The following QTMAN variants were observed in gnomAD, a reference collection of about 807,000 sequenced individuals.
The protein encoded by QTMAN is tRNA-queuosine alpha-mannosyltransferase.
At chr2:144,279,706 C>A in the QTMAN span, among the ~76,000 whole-genome samples, 1 of 152,158 alleles carries the variant, frequency 6.6e-6, no homozygotes, top group Non-Finnish European at 1.5e-5. Flanking sequence ...CCAAGTTCGG[C>A]CACCAAAAAG....
chr2:144,144,571 T>G, the QTMAN span, among the ~76,000 whole-genome samples: 2 of 151,988 alleles, frequency 1.3e-5, no homozygotes, highest in Non-Finnish European at 2.9e-5. Flanking sequence ...TTAATTTTAT[T>G]ATGAAATTTT....
the QTMAN span, among the ~76,000 whole-genome samples, chr2:144,204,949 C>T: frequency 7.6e-6 from 1 of 131,616 alleles, no homozygotes; most frequent in Non-Finnish European, 1.5e-5. Flanking sequence ...ACAATGAGAA[C>T]ACATGGACAC....
chr2:143,957,042 A>C, the QTMAN span, among the ~76,000 whole-genome samples: 1 of 152,212 alleles, frequency 6.6e-6, no homozygotes. Context: ...CTTAACAATC[A>C]CCAAAAAGTA....
the QTMAN span, among the ~76,000 whole-genome samples, chr2:144,012,459 T>C: frequency 6.6e-6 from 1 of 152,190 alleles, no homozygotes; most frequent in Non-Finnish European, 1.5e-5. Context: ...ATTTCTGCTA[T>C]AGTCGAGAGG....
chr2:144,050,737 T>A, the QTMAN span, among the ~76,000 whole-genome samples: 9 of 152,120 alleles, frequency 5.9e-5, no homozygotes, highest in Admixed American at 6.5e-5. Flanking sequence ...CTTTTGTCAG[T>A]AGTCAGCTGT....
the QTMAN span, among the ~76,000 whole-genome samples, chr2:143,984,299 C>T: frequency 6.6e-6 from 1 of 152,142 alleles, no homozygotes; most frequent in Non-Finnish European, 1.5e-5. Context: ...CTAAATCACA[C>T]AAGAGGTGAA....
chr2:144,091,341 G>A, the QTMAN span, among the ~76,000 whole-genome samples: 2 of 152,214 alleles, frequency 1.3e-5, no homozygotes, highest in South Asian at 4.1e-4. Flanking sequence ...GGGAGAAAAT[G>A]TGTATGGCCT....
chr2:144,070,194 A>G, the QTMAN span, among the ~76,000 whole-genome samples: 3 of 152,100 alleles, frequency 2.0e-5, no homozygotes, highest in East Asian at 5.8e-4. Context: ...TGCTACATAT[A>G]TTTTTCCTTT....
At chr2:144,118,035 A>T in the QTMAN span, among the ~76,000 whole-genome samples, 7 of 152,058 alleles carry the variant, frequency 4.6e-5, no homozygotes, top group East Asian at 1.4e-3. Context: ...TTTAGTAGAG[A>T]GGGGGTTTCA....
chr2:144,268,651 T>C, the QTMAN span, among the ~76,000 whole-genome samples: 1 of 152,198 alleles, frequency 6.6e-6, no homozygotes, highest in African/African-American at 2.4e-5. Flanking sequence ...GTATTTGTTA[T>C]AACAGCCTAA....
the QTMAN span, among the ~76,000 whole-genome samples, chr2:144,293,486 A>T: frequency 1.3e-5 from 2 of 152,358 alleles, no homozygotes; most frequent in South Asian, 4.1e-4. Flanking sequence ...AATCTCAGTA[A>T]CAAGATCACA....
chr2:144,268,663 C>T, the QTMAN span, among the ~76,000 whole-genome samples: 1 of 152,166 alleles, frequency 6.6e-6, no homozygotes, highest in African/African-American at 2.4e-5. Context: ...ACAGCCTAAA[C>T]TGACCAAAAA....
At chr2:144,087,901 G>A in the QTMAN span, among the ~76,000 whole-genome samples, 15 of 151,896 alleles carry the variant, frequency 9.9e-5, no homozygotes, top group Non-Finnish European at 1.8e-4. Context: ...ACAAGACAAG[G>A]ACACCCAATT....
At chr2:144,139,851 C>T in the QTMAN span, among the ~76,000 whole-genome samples, 2 of 151,944 alleles carry the variant, frequency 1.3e-5, no homozygotes, top group Admixed American at 6.6e-5. Context: ...TATTATATAG[C>T]GCAATGACTA....
chr2:144,064,050 A>T, the QTMAN span, among the ~76,000 whole-genome samples: 4 of 152,186 alleles, frequency 2.6e-5, no homozygotes, highest in Non-Finnish European at 5.9e-5. Flanking sequence ...TCCCTTTTTC[A>T]GTCTTCGAGC....
At chr2:144,298,350 T>C in the QTMAN span, among the ~76,000 whole-genome samples, 1 of 152,128 alleles carries the variant, frequency 6.6e-6, no homozygotes, top group African/African-American at 2.4e-5. Flanking sequence ...ATAAACAAGC[T>C]GAAGGGGTAA....
the QTMAN span, among the ~76,000 whole-genome samples, chr2:144,237,673 A>G: frequency 1.3e-5 from 2 of 152,276 alleles, no homozygotes; most frequent in Admixed American, 1.3e-4. Flanking sequence ...AGGGGAGAAG[A>G]GGGTACAGGT....
At chr2:144,260,181 A>T in the QTMAN span, among the ~76,000 whole-genome samples, 4 of 152,084 alleles carry the variant, frequency 2.6e-5, no homozygotes, top group Admixed American at 6.5e-5. Flanking sequence ...TAAAAAAATC[A>T]CTTATTTAAT....
At chr2:143,998,271 C>T in the QTMAN span, among the ~76,000 whole-genome samples, 2 of 152,020 alleles carry the variant, frequency 1.3e-5, no homozygotes, top group African/African-American at 4.8e-5. Flanking sequence ...TTTCCTTCAA[C>T]AGGACACAGG....
Sources: allele counts gnomAD v4.1 joint callset (sites outside exome capture counted in the v4.1 genomes callset), GRCh38; gene constraint gnomAD v4.1.1; transcripts MANE v1.5; gene names NCBI Gene and HGNC (gene_info 2026-07-23, HGNC 2026-07-21).